BTBD9: variants seen among roughly 807,000 people sequenced by gnomAD.
BTBD9 encodes BTB/POZ domain-containing protein 9.
Under a neutral mutation model 64.3 loss-of-function variants are expected in BTBD9, and 49 were observed. That is an observed-to-expected ratio of 0.76 (90% confidence interval 0.61 to 0.97). The LOEUF (loss-of-function observed/expected upper bound fraction) is 0.97, where lower values mean the gene tolerates loss of function less well. BTBD9 is among the 50% of genes least tolerant of loss of function. The pLI is 0.00. For synonymous variants in BTBD9, 260 were observed against 274.7 expected, an observed-to-expected ratio of 0.95 and a Z score of 0.53; for missense variants, 598 against 762.1, an observed-to-expected ratio of 0.78 and a Z score of 2.53.
intron 9 of BTBD9, among the ~76,000 whole-genome samples, chr6:38,217,961 C>CA (rs1221430800): frequency 6.6e-6 from 1 of 152,168 alleles, no homozygotes; most frequent in Non-Finnish European, 1.5e-5. Context: ...GCAGGACCAA[C>CA]TGACCCTCCC....
At chr6:38,183,871 C>T (rs1276977352) in intron 10 of BTBD9, among the ~76,000 whole-genome samples, 1 of 152,218 alleles carries the variant, frequency 6.6e-6, no homozygotes, top group Non-Finnish European at 1.5e-5. Flanking sequence ...CACCAACGCT[C>T]TGGCCCATGG....
At chr6:38,581,396 T>C (rs776463667) in intron 4 of BTBD9, among the ~76,000 whole-genome samples, 61 of 152,336 alleles carry the variant, frequency 4.0e-4, no homozygotes, top group Admixed American at 2.2e-3. Flanking sequence ...AACAAGATCG[T>C]TTAAAAAAGA....
At chr6:38,192,383 G>T in intron 10 of BTBD9, 136 bp downstream of exon 10, 1 of 744,272 alleles carries the variant, frequency 1.3e-6, no homozygotes, top group Non-Finnish European at 2.3e-6. Flanking sequence ...TGCAACTGCA[G>T]GACTTTCTCC....
chr6:38,288,379 A>G lies in BTBD9; in HGVS notation c.1347T>C (p.Asn449=), dbSNP rs759317380. Residue 449 remains asparagine, a synonymous_variant, in exon 8 of 11, where the codon AAT becomes AAC. Coordinates refer to ENST00000481247, the MANE Select transcript of BTBD9 (RefSeq NM_001099272.2). ...GVSRSRNALL[N]GDTKNYDWDS... ...CCCAGTCATAATTCTTAGTGTCCCC[A>G]TTCAGCAAGGCATTTCGGCTCCGAC... 10 of 1,614,018 alleles carry G rather than the reference A, an allele frequency of 6.2e-6. No individual in the cohort carries two copies. In the African/African-American group the frequency reaches 6.7e-5, roughly 11 times the overall value.
chr6:38,203,418 AAATCAGT>A lies in BTBD9; in HGVS notation c.1563-10828_1563-10822del, dbSNP rs1396391415. ...TCTGGCTATCTATCCAAAAAAAAAGAAATCAGTATTTCAAAGGGATATCTGCACTCAC... is the reference window on the plus strand; with the variant it reads ...TCTGGCTATCTATCCAAAAAAAAAGAATTTCAAAGGGATATCTGCACTCAC... On this transcript the variant is annotated intron_variant, in intron 9 of 10. Transcript: ENST00000481247. Among the ~76,000 whole-genome samples the A allele has an allele frequency of 2.6e-5, 4 of 152,226 alleles. No individual in the cohort carries two copies. The East Asian group carries it at 7.7e-4, about 29-fold the overall frequency.
At chr6:38,212,295 G>A (rs1423385369) in intron 9 of BTBD9, among the ~76,000 whole-genome samples, 1 of 152,206 alleles carries the variant, frequency 6.6e-6, no homozygotes, top group Non-Finnish European at 1.5e-5. Context: ...ACACTGGTCT[G>A]TGCTGAGGGG....
At chr6:38,487,008 A>G (rs1239595594) in intron 6 of BTBD9, among the ~76,000 whole-genome samples, 2 of 152,240 alleles carry the variant, frequency 1.3e-5, no homozygotes, top group African/African-American at 2.4e-5. Flanking sequence ...TTATGTTTAC[A>G]AGAGAGAGTT....
chr6:38,496,987 T>C (rs73426891), intron 6 of BTBD9, among the ~76,000 whole-genome samples: 1,691 of 152,238 alleles, frequency 0.011, 22 homozygotes, highest in African/African-American at 0.039. Context: ...GTGAAAACTT[T>C]CAAGCAGGGA....
At chr6:38,224,425 AG>A (rs1457157473) in intron 9 of BTBD9, among the ~76,000 whole-genome samples, 1 of 152,230 alleles carries the variant, frequency 6.6e-6, no homozygotes, top group Non-Finnish European at 1.5e-5. Context: ...ATGATGAGAA[AG>A]GAAAGGACTG....
intron 6 of BTBD9, among the ~76,000 whole-genome samples, chr6:38,452,230 C>A (rs1021358629): frequency 6.6e-6 from 1 of 152,054 alleles, no homozygotes; most frequent in Non-Finnish European, 1.5e-5. Context: ...GATTCCTATG[C>A]CCCAAAAAGG....
rs977188060 is a variant in BTBD9, at chr6:38,172,651, A to G, written c.*2334T>C. The G allele has an allele frequency of 1.5e-4, 23 of 152,296 alleles. No individual in the cohort carries two copies. Among genetic ancestry groups the G allele is most frequent in the African/African-American group, 4.6e-4 (19 of 41,442 alleles). The allele number at this position is 152,296 out of a possible 1,614,324, so 9.4% of individuals were successfully genotyped here. On this transcript the variant is annotated 3_prime_UTR_variant, in exon 11 of 11. Coordinates refer to ENST00000481247, the MANE Select transcript of BTBD9 (RefSeq NM_001099272.2). ...GAGACTTTGCCATCAGTCCTCACCA[A>G]TGACATCTACTGTTAGTGCCACCCC...
intron 6 of BTBD9, among the ~76,000 whole-genome samples, chr6:38,385,144 T>G: frequency 6.8e-6 from 1 of 147,810 alleles, no homozygotes; most frequent in African/African-American, 2.5e-5. Flanking sequence ...TTTATTTCAC[T>G]TACTTTTGTA....
intron 4 of BTBD9, among the ~76,000 whole-genome samples, chr6:38,586,436 T>C (rs534425691): frequency 1.4e-3 from 213 of 151,822 alleles, no homozygotes; most frequent in South Asian, 0.012. Context: ...AAAAAATCCC[T>C]GTAATTTGGT....
chr6:38,333,417 T>C (rs113097809), intron 7 of BTBD9, among the ~76,000 whole-genome samples: 225 of 152,316 alleles, frequency 1.5e-3, no homozygotes, highest in Non-Finnish European at 2.8e-3. Flanking sequence ...AAAACTTAGA[T>C]ACATGTATGA....
intron 6 of BTBD9, among the ~76,000 whole-genome samples, chr6:38,533,645 C>CA (rs35484415): frequency 6.6e-6 from 1 of 152,022 alleles, no homozygotes; most frequent in Admixed American, 6.6e-5. Context: ...TGTTAGGTCA[C>CA]AAAAAAGTCT....
At chr6:38,310,377 A>T (rs1582207852) in intron 7 of BTBD9, among the ~76,000 whole-genome samples, 1 of 152,088 alleles carries the variant, frequency 6.6e-6, no homozygotes, top group African/African-American at 2.4e-5. Flanking sequence ...AAGTCTTCCA[A>T]ATCACCTGGA....
rs375860732 is a variant in BTBD9, at chr6:38,616,567, G to A, written c.-27-18446C>T. Among the ~76,000 whole-genome samples the A allele has an allele frequency of 2.0e-5, 3 of 152,158 alleles. No homozygotes were observed. The East Asian group carries it at 5.8e-4, about 29-fold the overall frequency. ...CAGCTGGACTTCCTGGGTCGGATGG[G>A]GACTTGGGGAACTTTCCTGTCTTAC... is the stretch of plus-strand genomic sequence containing the variant. On this transcript the variant is annotated intron_variant, in intron 1 of 10. Coordinates refer to ENST00000481247, the MANE Select transcript of BTBD9 (RefSeq NM_001099272.2).
chr6:38,231,849 C>A (rs990431478), intron 9 of BTBD9, among the ~76,000 whole-genome samples: 13 of 152,208 alleles, frequency 8.5e-5, no homozygotes, highest in Non-Finnish European at 2.9e-5. Context: ...AAAATGAAAT[C>A]TTTCCATTTG....
intron 6 of BTBD9, among the ~76,000 whole-genome samples, chr6:38,441,172 G>A (rs1380030531): frequency 2.6e-5 from 4 of 152,144 alleles, no homozygotes; most frequent in Non-Finnish European, 5.9e-5. Context: ...AAAGTGTTGT[G>A]GGGCTGCTGG....
Sources: gnomAD v4.1 joint callset for allele counts (sites outside exome capture counted in the v4.1 genomes callset) on GRCh38, gnomAD v4.1.1 for gene constraint, MANE v1.5 for transcripts, NCBI Gene and HGNC (gene_info 2026-07-23, HGNC 2026-07-21) for gene names.